The following ATIC variants were observed in gnomAD, a reference collection of about 807,000 sequenced individuals.
The protein encoded by ATIC is 5-aminoimidazole-4-carboxamide ribonucleotide formyltransferase/IMP cyclohydrolase, also known as bifunctional purine biosynthesis protein ATIC.
ATIC carries 64 observed loss-of-function variants against 72.5 expected under a neutral mutation model. The ratio of observed to expected loss-of-function variants is 0.88; its 90% confidence interval spans 0.72 to 1.09. The LOEUF (loss-of-function observed/expected upper bound fraction) is 1.09. ATIC is among the 50% of genes least tolerant of loss of function. ATIC has a pLI of 0.00. For missense variants in ATIC, 787 were observed against 732.4 expected, an observed-to-expected ratio of 1.07 and a Z score of -0.86; for synonymous variants, 281 against 267.1, an observed-to-expected ratio of 1.05 and a Z score of -0.51.
intron 11 of ATIC, among the ~76,000 whole-genome samples, 164 bp from the exon 12 acceptor site, chr2:215,338,615 A>G (rs1269651913): frequency 6.6e-6 from 1 of 152,238 alleles, no homozygotes; most frequent in Non-Finnish European, 1.5e-5. Context: ...GAATGATTTA[A>G]CACATCATTT....
chr2:215,313,102 C>G (rs558561122), intron 2 of ATIC, among the ~76,000 whole-genome samples: 1 of 152,280 alleles, frequency 6.6e-6, no homozygotes, highest in East Asian at 1.9e-4. Flanking sequence ...GGACAACACA[C>G]TGGACAGATT....
chr2:215,364,102 G>A, the ATIC span, among the ~76,000 whole-genome samples: 1 of 152,144 alleles, frequency 6.6e-6, no homozygotes, highest in African/African-American at 2.4e-5. Context: ...AACTGTATTT[G>A]TCAGACCCAC....
chr2:215,314,404 A>C (rs2052687270), intron 2 of ATIC, among the ~76,000 whole-genome samples: 1 of 152,220 alleles, frequency 6.6e-6, no homozygotes, highest in African/African-American at 2.4e-5. Context: ...TTTTTAGTTT[A>C]GGTAGTGTTA....
chr2:215,319,751 C>G lies in ATIC; in HGVS notation c.290+20C>G, dbSNP rs1559267280. The G allele has an allele frequency of 3.8e-6, 6 of 1,578,966 alleles. No individual in the cohort carries two copies. The highest frequency in any genetic ancestry group is 5.2e-6 in the Non-Finnish European group (6 of 1,148,186). On this transcript the variant is annotated intron_variant, in intron 4 of 15. Coordinates refer to ENST00000236959, the MANE Select transcript of ATIC (RefSeq NM_004044.7). ...TATAAGGTAAAAACCTGAAATTAAA[C>G]TTTTAACACATTACGAACCAACGAC...
At chr2:215,364,260 CAA>C in the ATIC span, 25 of 175,544 alleles carry the variant, frequency 1.4e-4, no homozygotes, top group Admixed American at 8.1e-4. Context: ...TGTTCTGAAT[CAA>C]GAGAGAGGTT....
chr2:215,313,094 A>G (rs1211541156), intron 2 of ATIC, among the ~76,000 whole-genome samples: 2 of 152,178 alleles, frequency 1.3e-5, no homozygotes, highest in Non-Finnish European at 2.9e-5. Context: ...AAGACCCTGG[A>G]CAACACACTG....
intron 4 of ATIC, among the ~76,000 whole-genome samples, chr2:215,321,734 C>T (rs1360858234): frequency 6.6e-6 from 1 of 152,154 alleles, no homozygotes; most frequent in Non-Finnish European, 1.5e-5. Context: ...TGTGGAACAC[C>T]GTTGGATGTG....
the ATIC span, chr2:215,361,932 G>A: frequency 6.2e-7 from 1 of 1,608,262 alleles, no homozygotes; most frequent in Non-Finnish European, 8.5e-7. Flanking sequence ...AGACTGTCTA[G>A]TATGAGGGAA....
At chr2:215,326,355 A>G (rs891709968) in intron 6 of ATIC, among the ~76,000 whole-genome samples, 5 of 152,182 alleles carry the variant, frequency 3.3e-5, no homozygotes, top group African/African-American at 4.8e-5. Flanking sequence ...CTGTAATCCT[A>G]GCACTTTGGG....
the ATIC span, among the ~76,000 whole-genome samples, chr2:215,366,788 G>A: frequency 6.6e-6 from 1 of 152,142 alleles, no homozygotes; most frequent in African/African-American, 2.4e-5. Flanking sequence ...TCCCACAATT[G>A]CACCTAAGTG....
Position 215,344,857 on chromosome 2 carries a change from G to A in ATIC, c.1306G>A (p.Ala436Thr), listed in dbSNP as rs371283342. ...CACTCAGTCTAACTCTGTGTGCTAC[G>A]CCAAGAACGGGCAGGTAAGTGGGCT... ...KYTQSNSVCY[A>T]KNGQVIGIGA... is the part of the protein sequence containing the mutation. The change falls in exon 13 of 16, where the codon GCC becomes ACC. Residue 436 changes from alanine to threonine, a missense_variant. Physicochemically the swap from Ala to Thr is moderately conservative, Grantham distance 58. Transcript: ENST00000236959. 13 of 1,613,700 alleles carry A rather than the reference G, an allele frequency of 8.1e-6. No individual in the cohort carries two copies. Among genetic ancestry groups the A allele is most frequent in the African/African-American group, 2.7e-5 (2 of 74,830 alleles).
At chr2:215,347,452 A>G (rs754804775) in intron 14 of ATIC, among the ~76,000 whole-genome samples, 1 of 152,172 alleles carries the variant, frequency 6.6e-6, no homozygotes, top group Non-Finnish European at 1.5e-5. Context: ...ATGTGGGAAC[A>G]TTACAATCGC....
At chr2:215,330,061 C>G (rs901318331) in intron 7 of ATIC, among the ~76,000 whole-genome samples, 5 of 152,234 alleles carry the variant, frequency 3.3e-5, no homozygotes, top group Non-Finnish European at 7.3e-5. Context: ...CCGCACCCAT[C>G]CAGATACGCT....
At chr2:215,328,598 T>G (rs1199009121) in intron 7 of ATIC, among the ~76,000 whole-genome samples, 2 of 152,172 alleles carry the variant, frequency 1.3e-5, no homozygotes, top group African/African-American at 2.4e-5. Flanking sequence ...AGAGAAGCCT[T>G]CCTTGACCGC....
chr2:215,328,591 G>C (rs1259707713), intron 7 of ATIC, among the ~76,000 whole-genome samples: 1 of 152,134 alleles, frequency 6.6e-6, no homozygotes, highest in Non-Finnish European at 1.5e-5. Flanking sequence ...CCTCCTCAGA[G>C]AAGCCTTCCT....
chr2:215,357,048 C>T, the ATIC span, among the ~76,000 whole-genome samples: 2 of 152,158 alleles, frequency 1.3e-5, no homozygotes, highest in Non-Finnish European at 2.9e-5. Flanking sequence ...TTTCCACCAG[C>T]GATGAATGAG....
rs146882973 is a variant in ATIC at position 215,349,623 on chromosome 2, G to T, written c.1747G>T (p.Ala583Ser). The T allele has an allele frequency of 1.4e-5, 23 of 1,614,096 alleles. No individual in the cohort carries two copies. The African/African-American group carries it at 2.1e-4, about 15-fold the overall frequency. Reference sequence around the variant, plus strand: ...CTGCGACGAACTGGGAATCATCCTCGCTCATACGAACCTTCGGCTCTTCCA... The same window carrying T: ...CTGCGACGAACTGGGAATCATCCTCTCTCATACGAACCTTCGGCTCTTCCA... ...EACDELGIIL[A>S]HTNLRLFHH The change falls in exon 16 of 16, where the codon GCT (alanine) becomes TCT (serine). Residue 583 changes from alanine (A) to serine (S), a missense_variant. Coordinates refer to ENST00000236959, the MANE Select transcript of ATIC (RefSeq NM_004044.7).
At chr2:215,332,591 T>C (rs1054610978) in intron 8 of ATIC, 84 bp downstream of exon 8, 2 of 1,535,206 alleles carry the variant, frequency 1.3e-6, no homozygotes, top group South Asian at 2.4e-5. Flanking sequence ...CAAGTTCTAA[T>C]GTGAATATAG....
Position 215,346,766 on chromosome 2 carries a change from G to A in ATIC, c.1328G>A (p.Gly443Asp), listed in dbSNP as rs755035430. The A allele has an allele frequency of 1.2e-6, 2 of 1,614,086 alleles. No individual in the cohort carries two copies. Among genetic ancestry groups the A allele is most frequent in the Non-Finnish European group, 1.7e-6 (2 of 1,179,994 alleles). The change falls in exon 14 of 16, where the codon GGC (glycine) becomes GAC (aspartate). Residue 443 changes from glycine to aspartate, a missense_variant. By Grantham distance (94) the Gly-to-Asp change is moderately conservative (BLOSUM62 -1). Coordinates refer to ENST00000236959, the MANE Select transcript of ATIC (RefSeq NM_004044.7). ...VCYAKNGQVI[G>D]IGAGQQSRIH... ...AATGTCTGTGTTCCTCAGGTTATCGGCATTGGAGCAGGACAGCAGTCTCGT... is the reference window on the plus strand; with the variant it reads ...AATGTCTGTGTTCCTCAGGTTATCGACATTGGAGCAGGACAGCAGTCTCGT...
Sources: gnomAD v4.1 joint callset for allele counts (sites outside exome capture counted in the v4.1 genomes callset) on GRCh38, gnomAD v4.1.1 for gene constraint, MANE v1.5 for transcripts, NCBI Gene and HGNC (gene_info 2026-07-23, HGNC 2026-07-21) for gene names.